GPC3: variants seen among roughly 807,000 people sequenced by gnomAD.
GPC3 encodes glypican 3, also known as glypican-3.
Under a neutral mutation model 34.4 loss-of-function variants are expected in GPC3, and 3 were observed. The observed-to-expected ratio is 0.09, with a 90% confidence interval of 0.04 to 0.23. The LOEUF is 0.23. Ranked by LOEUF, GPC3 falls within the 10% of genes least tolerant of loss-of-function variation. The pLI is 1.00. For synonymous variants in GPC3, 177 were observed against 174.0 expected, an observed-to-expected ratio of 1.02 and a Z score of -0.13; for missense variants, 351 against 445.6, an observed-to-expected ratio of 0.79 and a Z score of 1.91.
chrX:133,751,928 G>A (rs181039008), intron 3 of GPC3, among the ~76,000 whole-genome samples: 79 of 110,676 alleles, frequency 7.1e-4, no homozygotes, highest in Non-Finnish European at 1.0e-3. Context: ...TCACTCTTTC[G>A]CCCAGGCTGG....
At chrX:133,604,557 G>A (rs1258335997) in intron 6 of GPC3, among the ~76,000 whole-genome samples, 6 of 111,372 alleles carry the variant, frequency 5.4e-5, no homozygotes, top group Non-Finnish European at 1.1e-4. Flanking sequence ...GGTTAGTACA[G>A]AATGAAAAAT....
chrX:133,903,590 AAAACAAAC>A (rs544091440), intron 2 of GPC3, among the ~76,000 whole-genome samples: 14 of 112,213 alleles, frequency 1.2e-4, no homozygotes, highest in Admixed American at 9.5e-4. Flanking sequence ...ACTCTGTCTG[AAAACAAAC>A]AAACAAACAA....
intron 2 of GPC3, among the ~76,000 whole-genome samples, chrX:133,941,854 C>T (rs2076346256): frequency 8.9e-6 from 1 of 111,972 alleles, no homozygotes; most frequent in Non-Finnish European, 1.9e-5. Flanking sequence ...TGTTACAAAT[C>T]AATAAGAAAA....
At chrX:133,840,501 C>T (rs1004228070) in intron 2 of GPC3, among the ~76,000 whole-genome samples, 8 of 110,931 alleles carry the variant, frequency 7.2e-5, no homozygotes, top group Non-Finnish European at 1.3e-4. Context: ...ACCTATCTCG[C>T]GAGGTTGTTG....
chrX:133,834,097 T>C (rs1232622226), intron 2 of GPC3, among the ~76,000 whole-genome samples: 1 of 112,731 alleles, frequency 8.9e-6, no homozygotes, highest in Non-Finnish European at 1.9e-5. Context: ...TATTCCATCA[T>C]ATTGCTGTTT....
At chrX:133,979,706 T>C (rs1235348484) in intron 1 of GPC3, among the ~76,000 whole-genome samples, 1 of 111,839 alleles carries the variant, frequency 8.9e-6, no homozygotes, top group East Asian at 2.8e-4. Flanking sequence ...CATTACTTTA[T>C]GCTGTCTCTA....
chrX:133,543,385 C>T (rs1164844357), intron 7 of GPC3, among the ~76,000 whole-genome samples: 1 of 112,199 alleles, frequency 8.9e-6, no homozygotes, highest in African/African-American at 3.2e-5. Context: ...TCCCAAAGTG[C>T]GTGGATTACA....
intron 3 of GPC3, among the ~76,000 whole-genome samples, chrX:133,732,768 C>G (rs2071473784): frequency 8.9e-6 from 1 of 111,984 alleles, no homozygotes; most frequent in Admixed American, 9.4e-5. Flanking sequence ...GAATGGATTC[C>G]TCCATTCCCT....
At chrX:133,893,736 G>T (rs747472730) in intron 2 of GPC3, among the ~76,000 whole-genome samples, 1 of 111,967 alleles carries the variant, frequency 8.9e-6, no homozygotes, top group African/African-American at 3.2e-5. Flanking sequence ...GTGCAATGAT[G>T]AAATTTTTGA....
intron 7 of GPC3, among the ~76,000 whole-genome samples, chrX:133,588,256 T>C (rs1169221615): frequency 9.0e-6 from 1 of 111,390 alleles, no homozygotes; most frequent in African/African-American, 3.3e-5. Flanking sequence ...ATAAAATACA[T>C]TTTGGTAAAA....
At chrX:133,687,947 A>G (rs965910925) in intron 5 of GPC3, among the ~76,000 whole-genome samples, 2 of 112,459 alleles carry the variant, frequency 1.8e-5, no homozygotes, top group Non-Finnish European at 3.8e-5. Context: ...TATCCAGAAA[A>G]TGAATGAAAA....
intron 1 of GPC3, among the ~76,000 whole-genome samples, chrX:133,962,767 C>A (rs1175873183): frequency 8.9e-6 from 1 of 111,832 alleles, no homozygotes; most frequent in Non-Finnish European, 1.9e-5. Flanking sequence ...CAGATACAAT[C>A]TTTAAATACG....
intron 2 of GPC3, among the ~76,000 whole-genome samples, chrX:133,822,177 G>A (rs1222940893): frequency 3.6e-5 from 4 of 112,038 alleles, no homozygotes; most frequent in Non-Finnish European, 7.5e-5. Flanking sequence ...TCCCACCTGG[G>A]ATACGAATCA....
chrX:133,575,990 T>C (rs1214150921), intron 7 of GPC3, among the ~76,000 whole-genome samples: 4 of 111,393 alleles, frequency 3.6e-5, no homozygotes, highest in Non-Finnish European at 7.5e-5. Flanking sequence ...TACTTTCAGC[T>C]CCTCTCTATA....
intron 6 of GPC3, among the ~76,000 whole-genome samples, chrX:133,600,884 T>C (rs890910434): frequency 1.8e-5 from 2 of 112,415 alleles, no homozygotes; most frequent in African/African-American, 6.5e-5. Context: ...ATGCTTTTGA[T>C]TAACTGTTTG....
At chrX:133,726,321 T>C (rs2071407310) in intron 3 of GPC3, among the ~76,000 whole-genome samples, 1 of 111,447 alleles carries the variant, frequency 9.0e-6, no homozygotes, top group African/African-American at 3.3e-5. Flanking sequence ...TAGGACATTG[T>C]CTCAAATATC....
rs74583206 is a variant in GPC3 at position 133,823,161 on chromosome X, A to C, written c.338-68985T>G. 8.5e-3 allele frequency among the ~76,000 whole-genome samples: 854 copies of C among 100,417 alleles called. 5 individuals are homozygous for C. The highest frequency in any genetic ancestry group is 0.032 in the African/African-American group (814 of 25,649). The allele number at this position is 100,417 out of a possible 115,157, so 87.2% of individuals were successfully genotyped here. ...AAAAAAAAAAAAAAAAAAAAAAAAA[A>C]AAAAACTGGCTGGAAAAATGTCATA... On this transcript the variant is annotated intron_variant, in intron 2 of 7. Coordinates refer to ENST00000370818, the MANE Select transcript of GPC3 (RefSeq NM_004484.4).
At chrX:133,694,823 G>A (rs771857470) in intron 4 of GPC3, among the ~76,000 whole-genome samples, 19 of 109,438 alleles carry the variant, frequency 1.7e-4, no homozygotes, top group South Asian at 1.7e-3. Flanking sequence ...TTTCTTGGTG[G>A]ATCATAAAGA....
intron 2 of GPC3, among the ~76,000 whole-genome samples, chrX:133,861,090 GTC>G (rs2075934345): frequency 9.0e-6 from 1 of 111,290 alleles, no homozygotes; most frequent in African/African-American, 3.3e-5. Context: ...GTGAGATCCT[GTC>G]TCAAAAAAAA....
Sources: gnomAD v4.1 joint callset for allele counts (sites outside exome capture counted in the v4.1 genomes callset) on GRCh38, gnomAD v4.1.1 for gene constraint, MANE v1.5 for transcripts, NCBI Gene and HGNC (gene_info 2026-07-23, HGNC 2026-07-21) for gene names.